Variants in AKAP9 observed in about 807,000 individuals in gnomAD.
AKAP9 encodes A-kinase anchoring protein 9, also known as A-kinase anchor protein 9.
A neutral mutation model predicts 488.5 loss-of-function variants in AKAP9; 311 were observed. The ratio of observed to expected loss-of-function variants is 0.64; its 90% CI spans 0.58 to 0.70. The LOEUF is 0.70. AKAP9 is among the 30% of genes least tolerant of loss of function. The probability of loss-of-function intolerance (pLI) is 0.00; values close to 1 mark genes in which losing one functional copy is unlikely to be tolerated. For synonymous variants in AKAP9, 1,462 were observed against 1,483.5 expected, an observed-to-expected ratio of 0.99 and a Z score of 0.33; for missense variants, 4,215 against 4,374.5, an observed-to-expected ratio of 0.96 and a Z score of 1.03.
chr7:91,979,066 C>T (rs974096785), intron 2 of AKAP9, among the ~76,000 whole-genome samples: 2 of 151,800 alleles, frequency 1.3e-5, no homozygotes, highest in Non-Finnish European at 2.9e-5. Context: ...GCATGAGCCA[C>T]CACACCTGGC....
rs762886952 is a variant in AKAP9 at position 92,002,603 on chromosome 7, C to G, written c.2686C>G (p.Leu896Val). ...AGAGTATAAAAGTAAACTTAAAGCA[C>G]TTAATGAAGAGCTTCATTTGCAAAG... The part of the protein sequence containing the change: ...ELEYKSKLKA[L>V]NEELHLQRIN... The change falls in exon 8 of 50, where the codon CTT becomes GTT. Residue 896 changes from leucine (L) to valine (V), a missense_variant. Leu to Val is a conservative substitution (Grantham distance 32). Transcript: ENST00000356239. The G allele has an allele frequency of 2.5e-6, 4 of 1,611,094 alleles. No individual in the cohort carries two copies. The African/African-American group carries it at 5.4e-5, about 22-fold the overall frequency.
In AKAP9 at chr7:91,975,925, GTT is replaced by G. The variant is rs34121912; in HGVS notation, c.306+1970_306+1971del. Among the ~76,000 whole-genome samples, 161 of 73,736 alleles carry G rather than the reference GTT, an allele frequency of 2.2e-3. 1 individual carries two copies. Among genetic ancestry groups the G allele is most frequent in the African/African-American group, 5.6e-3 (100 of 17,788 alleles). 48.4% of individuals were successfully genotyped at this position (73,736 alleles called of 152,430 possible). ...TGGTTTGTTTTTTGTTTGTTTGTTT[GTT>G]TTTTTTTTTTTTGAGACAAAGTCTC... On this transcript the variant is annotated intron_variant, in intron 2 of 49. Coordinates refer to ENST00000356239, the MANE Select transcript of AKAP9 (RefSeq NM_005751.5).
At position 92,057,702 on chromosome 7, in the gene AKAP9, G is replaced by T. The variant is rs1006043379; in HGVS notation, c.5602-3558G>T. ...CATTTCTCAAGACTGCTGCTATGGAGATTTCAAACTTGACCTTCCCTGCCA... is the reference window on the plus strand; with the variant it reads ...CATTTCTCAAGACTGCTGCTATGGATATTTCAAACTTGACCTTCCCTGCCA... On this transcript the variant is annotated intron_variant, in intron 22 of 49. Coordinates refer to ENST00000356239, the MANE Select transcript of AKAP9 (RefSeq NM_005751.5). 2 of 219,692 alleles carry T rather than the reference G, an allele frequency of 9.1e-6. 1 individual carries two copies. 13.6% of individuals were successfully genotyped at this position (219,692 alleles called of 1,614,324 possible).
intron 15 of AKAP9, among the ~76,000 whole-genome samples, chr7:92,030,593 G>A (rs926524352): frequency 2.1e-5 from 3 of 143,246 alleles, no homozygotes; most frequent in East Asian, 2.0e-4. Flanking sequence ...AGTGAGCTGC[G>A]ATTGCACCAC....
In AKAP9 at chr7:91,963,482, T is replaced by TCACACACACACACA. The variant is rs56800758; in HGVS notation, c.49-10196_49-10183dup. On this transcript the variant is annotated intron_variant, in intron 1 of 49. Coordinates refer to ENST00000356239, the MANE Select transcript of AKAP9 (RefSeq NM_005751.5). ...TGTTATTCTGTAGATAACATATTTG[T>TCACACACACACACA]CACACACACACACACACACACACAC... Among the ~76,000 whole-genome samples the TCACACACACACACA allele has an allele frequency of 1.2e-3, 166 of 139,314 alleles. 1 individual carries two copies. Among genetic ancestry groups the TCACACACACACACA allele is most frequent in the East Asian group, 4.9e-3 (23 of 4,718 alleles). The allele number at this position is 139,314 out of a possible 152,430, so 91.4% of individuals were successfully genotyped here. A position where few individuals can be genotyped will look rare whatever the true frequency, so the allele number is the denominator to read the frequency against.
chr7:91,954,164 G>A (rs934788635), intron 1 of AKAP9, among the ~76,000 whole-genome samples: 1 of 152,128 alleles, frequency 6.6e-6, no homozygotes, highest in Non-Finnish European at 1.5e-5. Context: ...TTCACAATAT[G>A]TTATACTCCT....
At chr7:92,007,284 T>A (rs1358841245) in intron 8 of AKAP9, among the ~76,000 whole-genome samples, 1 of 40,950 alleles carries the variant, frequency 2.4e-5, no homozygotes, top group East Asian at 3.5e-4. Flanking sequence ...TGAAATTCTT[T>A]TTTTTTTTTT....
At chr7:92,088,455 G>C (rs1273848706) in intron 37 of AKAP9, among the ~76,000 whole-genome samples, 1 of 152,196 alleles carries the variant, frequency 6.6e-6, no homozygotes, top group African/African-American at 2.4e-5. Flanking sequence ...TTCTTTGACA[G>C]GGGAATGGAT....
At chr7:92,098,826 G>T (rs1302352555) in intron 43 of AKAP9, among the ~76,000 whole-genome samples, 1 of 152,180 alleles carries the variant, frequency 6.6e-6, no homozygotes, top group South Asian at 2.1e-4. Context: ...TTCTGTGCCA[G>T]ATAGGTTCTG....
chr7:91,961,534 T>C (rs1393964174), intron 1 of AKAP9, among the ~76,000 whole-genome samples: 3 of 152,026 alleles, frequency 2.0e-5, no homozygotes, highest in Non-Finnish European at 4.4e-5. Flanking sequence ...TTCAGAATGA[T>C]CATTTGTTAA....
intron 16 of AKAP9, among the ~76,000 whole-genome samples, chr7:92,032,542 A>G (rs1804445803): frequency 6.6e-6 from 1 of 151,802 alleles, no homozygotes. Context: ...CTATTGAATT[A>G]TGAGTTTGCT....
chr7:92,094,652 G>A (rs1033571656), intron 39 of AKAP9, among the ~76,000 whole-genome samples: 4 of 152,084 alleles, frequency 2.6e-5, no homozygotes, highest in African/African-American at 9.7e-5. Context: ...GGCCAAAATG[G>A]TGAAACTCCA....
chr7:92,021,776 C>T (rs988858236), intron 12 of AKAP9, among the ~76,000 whole-genome samples: 1 of 152,086 alleles, frequency 6.6e-6, no homozygotes, highest in African/African-American at 2.4e-5. Flanking sequence ...TCATTATTTT[C>T]TTTTCTTTTT....
intron 9 of AKAP9, 122 bp from the exon 10 acceptor site, chr7:92,014,123 CAAAG>C: frequency 4.2e-6 from 3 of 720,494 alleles, no homozygotes; most frequent in Non-Finnish European, 7.2e-6. Flanking sequence ...GAAAATAACT[CAAAG>C]AAATAAAGAA....
intron 28 of AKAP9, among the ~76,000 whole-genome samples, chr7:92,075,574 C>T (rs1812449074): frequency 6.6e-6 from 1 of 152,298 alleles, no homozygotes; most frequent in East Asian, 1.9e-4. Context: ...AGATAAACTC[C>T]TCAGGTTCAA....
At chr7:91,953,836 C>A (rs1323561349) in intron 1 of AKAP9, among the ~76,000 whole-genome samples, 2 of 133,556 alleles carry the variant, frequency 1.5e-5, no homozygotes, top group Non-Finnish European at 3.1e-5. Context: ...ACAAAAATCT[C>A]ATCTTAAGAT....
chr7:91,983,915 T>C (rs986178788), intron 3 of AKAP9, among the ~76,000 whole-genome samples: 4 of 152,242 alleles, frequency 2.6e-5, no homozygotes, highest in African/African-American at 9.6e-5. Context: ...TTCATGTGTC[T>C]GTTGGCTGCA....
rs575829305 is a variant in AKAP9 at position 91,944,896 on chromosome 7, C to G, written c.48+3749C>G. On this transcript the variant is annotated intron_variant, in intron 1 of 49. Coordinates refer to ENST00000356239, the MANE Select transcript of AKAP9 (RefSeq NM_005751.5). Reference sequence around the variant, plus strand: ...ATATTGTTAGACATTTTATAGATTTCCTTTCTGTTTTTGTTGTGCTTATTC... The same window carrying G: ...ATATTGTTAGACATTTTATAGATTTGCTTTCTGTTTTTGTTGTGCTTATTC... Among the ~76,000 whole-genome samples the G allele has an allele frequency of 5.9e-5, 9 of 152,272 alleles. No individual in the cohort carries two copies. In the South Asian group the frequency reaches 1.2e-3, roughly 21 times the overall value.
chr7:92,063,829 A>G (rs912168877), intron 24 of AKAP9, among the ~76,000 whole-genome samples: 4 of 152,094 alleles, frequency 2.6e-5, no homozygotes, highest in African/African-American at 7.2e-5. Flanking sequence ...CACCCAGGCT[A>G]GAGTGCAGTG....
Sources: gnomAD v4.1 joint callset for allele counts (sites outside exome capture counted in the v4.1 genomes callset) on GRCh38, gnomAD v4.1.1 for gene constraint, MANE v1.5 for transcripts, NCBI Gene and HGNC (gene_info 2026-07-23, HGNC 2026-07-21) for gene names.